ANKRD6: variants seen among roughly 807,000 people sequenced by gnomAD.
ANKRD6 encodes ankyrin repeat domain 6.
ANKRD6 carries 56 observed loss-of-function variants against 82.3 expected under a neutral mutation model. That is an observed-to-expected ratio of 0.68 (90% CI 0.55 to 0.85). ANKRD6 has a LOEUF of 0.85. Ranked by LOEUF, ANKRD6 falls within the 40% of genes least tolerant of loss-of-function variation. ANKRD6 has a pLI of 0.00. For synonymous variants in ANKRD6, 347 were observed against 352.1 expected, an observed-to-expected ratio of 0.99 and a Z score of 0.16; for missense variants, 852 against 907.6, an observed-to-expected ratio of 0.94 and a Z score of 0.79.
At chr6:89,451,531 A>G (rs1169852713) in intron 1 of ANKRD6, among the ~76,000 whole-genome samples, 1 of 152,206 alleles carries the variant, frequency 6.6e-6, no homozygotes, top group Non-Finnish European at 1.5e-5. Context: ...CCATTTTATT[A>G]CTAAATCCTG....
chr6:89,525,584 G>A (rs921280492), intron 1 of ANKRD6, among the ~76,000 whole-genome samples: 1 of 152,184 alleles, frequency 6.6e-6, no homozygotes, highest in Non-Finnish European at 1.5e-5. Context: ...GACCAAAGGT[G>A]TTCTCTTTTT....
chr6:89,630,375 G>A, intron 15 of ANKRD6, 58 bp from the exon 16 acceptor site: 1 of 1,554,408 alleles, frequency 6.4e-7, no homozygotes, highest in Non-Finnish European at 8.7e-7. Flanking sequence ...CTGACCCGCA[G>A]CCATATGACT....
intron 2 of ANKRD6, among the ~76,000 whole-genome samples, chr6:89,590,963 C>T (rs182868326): frequency 6.2e-4 from 95 of 152,218 alleles, no homozygotes; most frequent in Non-Finnish European, 1.2e-3. Context: ...AAATTCTGGC[C>T]GCTGCTGTCT....
intron 2 of ANKRD6, among the ~76,000 whole-genome samples, chr6:89,570,512 G>A (rs372337842): frequency 7.2e-5 from 11 of 152,014 alleles, no homozygotes; most frequent in Admixed American, 3.9e-4. Flanking sequence ...GAAATTTTTC[G>A]TCTTCCCCAG....
At chr6:89,613,119 G>A (rs1563069694) in intron 6 of ANKRD6, among the ~76,000 whole-genome samples, 2 of 152,172 alleles carry the variant, frequency 1.3e-5, no homozygotes, top group Non-Finnish European at 2.9e-5. Flanking sequence ...GCAGCTTTTT[G>A]TCTCCAGTTC....
chr6:89,546,355 A>G (rs904545217), intron 1 of ANKRD6, among the ~76,000 whole-genome samples: 5 of 152,152 alleles, frequency 3.3e-5, no homozygotes, highest in Admixed American at 3.3e-4. Flanking sequence ...TCTTTCATAT[A>G]TATGTAATTT....
chr6:89,618,688 A>C (rs1802241693), intron 9 of ANKRD6, among the ~76,000 whole-genome samples: 1 of 152,230 alleles, frequency 6.6e-6, no homozygotes, highest in African/African-American at 2.4e-5. Flanking sequence ...AAAATAGATG[A>C]AACAGACACA....
At position 89,552,935 on chromosome 6, in the gene ANKRD6, G is replaced by A. The variant is rs1392384148; in HGVS notation, c.-143-13899G>A. The stretch of plus-strand genomic sequence containing the variant: ...AAGAGAATTGAGAAGGGGACCTAGC[G>A]GAGTCTTTTGTGGATAGTGGTGTGG... On this transcript the variant is annotated intron_variant, in intron 1 of 15. Transcript: ENST00000339746. Among the ~76,000 whole-genome samples the A allele has an allele frequency of 1.9e-4, 29 of 152,162 alleles. 1 individual carries two copies. The highest frequency in any genetic ancestry group is 1.9e-4 in the East Asian group (1 of 5,198).
At chr6:89,573,552 G>T (rs1790432405) in intron 2 of ANKRD6, among the ~76,000 whole-genome samples, 1 of 152,098 alleles carries the variant, frequency 6.6e-6, no homozygotes, top group Non-Finnish European at 1.5e-5. Context: ...CCCTGTATTA[G>T]ATCCCTGTTT....
intron 1 of ANKRD6, among the ~76,000 whole-genome samples, chr6:89,554,528 A>G (rs533771741): frequency 4.6e-5 from 7 of 151,948 alleles, no homozygotes; most frequent in Non-Finnish European, 1.0e-4. Flanking sequence ...CATTCAGTTC[A>G]CTATAGAATT....
chr6:89,578,200 G>C (rs1168694349), intron 2 of ANKRD6, among the ~76,000 whole-genome samples: 1 of 151,912 alleles, frequency 6.6e-6, no homozygotes, highest in African/African-American at 2.4e-5. Flanking sequence ...CATTTGGTGA[G>C]CCAGGAGAAC....
intron 1 of ANKRD6, among the ~76,000 whole-genome samples, chr6:89,460,701 G>T (rs914273905): frequency 2.0e-5 from 3 of 152,046 alleles, no homozygotes; most frequent in Non-Finnish European, 4.4e-5. Context: ...CTCCCAAAGT[G>T]CTGGGATTAC....
At chr6:89,495,107 G>A (rs923037820) in intron 1 of ANKRD6, among the ~76,000 whole-genome samples, 6 of 152,250 alleles carry the variant, frequency 3.9e-5, no homozygotes, top group Middle Eastern at 3.4e-3. Flanking sequence ...GGTGGCAGGC[G>A]CCTGTAGTCC....
chr6:89,457,549 AC>A (rs1773637650), intron 1 of ANKRD6, among the ~76,000 whole-genome samples: 1 of 152,180 alleles, frequency 6.6e-6, no homozygotes. Context: ...TCTCTATCTG[AC>A]TAACAAAAAC....
intron 1 of ANKRD6, among the ~76,000 whole-genome samples, chr6:89,519,899 G>C (rs753181687): frequency 1.3e-5 from 2 of 152,212 alleles, no homozygotes; most frequent in Non-Finnish European, 2.9e-5. Context: ...ATAGCATAGT[G>C]TGTAGGTAAT....
At chr6:89,622,147 C>A in intron 10 of ANKRD6, 121 bp downstream of exon 10, 1 of 793,872 alleles carries the variant, frequency 1.3e-6, no homozygotes, top group Non-Finnish European at 2.0e-6. Context: ...CTCCTCCTTG[C>A]TGGAGCTCTT....
intron 2 of ANKRD6, among the ~76,000 whole-genome samples, chr6:89,569,259 C>T (rs1441701820): frequency 2.0e-5 from 3 of 152,182 alleles, no homozygotes; most frequent in African/African-American, 4.8e-5. Flanking sequence ...TTCCCATTCC[C>T]ACCCCCAGCT....
intron 1 of ANKRD6, among the ~76,000 whole-genome samples, chr6:89,555,225 T>C (rs528449535): frequency 1.3e-5 from 2 of 151,732 alleles, no homozygotes; most frequent in Non-Finnish European, 2.9e-5. Flanking sequence ...CAGGAATTTC[T>C]CTGGTTAGGA....
intron 1 of ANKRD6, among the ~76,000 whole-genome samples, chr6:89,531,914 A>G (rs1562737688): frequency 1.3e-5 from 2 of 152,230 alleles, no homozygotes; most frequent in African/African-American, 4.8e-5. Context: ...AACCCAGAAG[A>G]GTCAATGGTG....
Sources: gnomAD v4.1 joint callset for allele counts (sites outside exome capture counted in the v4.1 genomes callset) on GRCh38, gnomAD v4.1.1 for gene constraint, MANE v1.5 for transcripts, NCBI Gene and HGNC (gene_info 2026-07-23, HGNC 2026-07-21) for gene names.